Variants in CUBN observed in about 807,000 individuals in gnomAD.
The protein encoded by CUBN is 460 kDa receptor.
Under a neutral mutation model 405.3 loss-of-function variants are expected in CUBN, and 282 were observed. The observed-to-expected ratio is 0.70, with a 90% CI of 0.63 to 0.77. The LOEUF (loss-of-function observed/expected upper bound fraction) is 0.77. Ranked by LOEUF, CUBN falls within the 30% of genes least tolerant of loss-of-function variation. The pLI is 0.00. For synonymous variants in CUBN, 1,684 were observed against 1,617.0 expected (o/e 1.04, Z -0.99); for missense variants, 4,514 against 4,475.2 (o/e 1.01, Z -0.25).
chr10:17,073,109 A>G (rs577992290), intron 17 of CUBN, among the ~76,000 whole-genome samples: 1 of 152,266 alleles, frequency 6.6e-6, no homozygotes, highest in East Asian at 1.9e-4. Flanking sequence ...TTTTTGTTAG[A>G]ACGCTGTTAC....
intron 34 of CUBN, among the ~76,000 whole-genome samples, chr10:16,949,589 T>TA: frequency 6.6e-6 from 1 of 151,530 alleles, no homozygotes; most frequent in Admixed American, 6.7e-5. Flanking sequence ...ATTAATTAAT[T>TA]ATCTAATTAA....
rs1302109425 is a variant in CUBN at position 16,915,887 on chromosome 10, AG to A, written c.7143del (p.Phe2382LeufsTer38). 4.3e-6 allele frequency: 7 copies of A among 1,614,088 alleles called. No homozygotes were observed. Among genetic ancestry groups the A allele is most frequent in the Non-Finnish European group, 5.9e-6 (7 of 1,180,042 alleles). On this transcript the variant is annotated frameshift_variant, in exon 46 of 67. Transcript: ENST00000377833. LOFTEE classifies it high-confidence loss of function. ...SGHYLTISFE[D>X]FNLQNSSGCE... ...CAGCCAGAAGAATTCTGAAGGTTAAAGTCTTCAAAAGAGATGGTGAGATAGT... is the reference window on the plus strand; with the variant it reads ...CAGCCAGAAGAATTCTGAAGGTTAAATCTTCAAAAGAGATGGTGAGATAGT...
At chr10:16,878,890 A>G (rs1840589970) in intron 56 of CUBN, among the ~76,000 whole-genome samples, 1 of 152,228 alleles carries the variant, frequency 6.6e-6, no homozygotes, top group African/African-American at 2.4e-5. Flanking sequence ...AGCATGTGTC[A>G]GTATGTCATT....
At chr10:17,024,469 A>G (rs1465563014) in intron 27 of CUBN, among the ~76,000 whole-genome samples, 2 of 152,186 alleles carry the variant, frequency 1.3e-5, no homozygotes, top group Non-Finnish European at 1.5e-5. Flanking sequence ...TCTTATATAT[A>G]TGAGCTTGGG....
chr10:17,039,750 T>C (rs536988619), intron 27 of CUBN, among the ~76,000 whole-genome samples: 88 of 152,308 alleles, frequency 5.8e-4, no homozygotes, highest in African/African-American at 2.1e-3. Flanking sequence ...TGTTGTGTCA[T>C]ATTTTCTTAG....
chr10:16,884,243 A>T (rs1358467350), intron 56 of CUBN, among the ~76,000 whole-genome samples: 1 of 152,152 alleles, frequency 6.6e-6, no homozygotes, highest in African/African-American at 2.4e-5. Context: ...CGGCCTCCCA[A>T]AGTGGGGGAA....
At chr10:16,944,461 C>G (rs1409566349) in intron 36 of CUBN, among the ~76,000 whole-genome samples, 1 of 152,172 alleles carries the variant, frequency 6.6e-6, no homozygotes, top group Non-Finnish European at 1.5e-5. Flanking sequence ...CACCACAATC[C>G]CAGCCCCATG....
At chr10:16,933,043 T>A in intron 40 of CUBN, 44 bp downstream of exon 40, 1 of 1,583,830 alleles carries the variant, frequency 6.3e-7, no homozygotes, top group East Asian at 2.2e-5. Context: ...TAGAACTAAT[T>A]ATGTGTCAGG....
chr10:16,994,991 T>C (rs1329830210), intron 28 of CUBN, among the ~76,000 whole-genome samples: 1 of 152,096 alleles, frequency 6.6e-6, no homozygotes, highest in Non-Finnish European at 1.5e-5. Context: ...TTCAGGAGAC[T>C]GAGGCAGGAG....
At chr10:16,952,215 T>C in intron 33 of CUBN, 61 bp downstream of exon 33, 1 of 1,221,140 alleles carries the variant, frequency 8.2e-7, no homozygotes, top group African/African-American at 1.5e-5. Flanking sequence ...ACTCATAGAC[T>C]GACCTTCCCA....
chr10:16,976,521 T>C (rs565482532), intron 31 of CUBN, among the ~76,000 whole-genome samples: 3 of 151,834 alleles, frequency 2.0e-5, no homozygotes, highest in Non-Finnish European at 4.4e-5. Flanking sequence ...TTTAGAAAAG[T>C]ACGTCATTCT....
chr10:16,942,510 C>A (rs866858841), intron 36 of CUBN, among the ~76,000 whole-genome samples: 1 of 151,950 alleles, frequency 6.6e-6, no homozygotes, highest in Non-Finnish European at 1.5e-5. Context: ...TAGAGAAATG[C>A]AAATCAAAAC....
At chr10:16,972,540 C>T (rs541804500) in intron 31 of CUBN, among the ~76,000 whole-genome samples, 18 of 151,844 alleles carry the variant, frequency 1.2e-4, no homozygotes, top group African/African-American at 4.4e-4. Context: ...CATGCTCAAG[C>T]CATCCTCCCA....
chr10:17,103,771 G>A (rs1041889164), intron 12 of CUBN, among the ~76,000 whole-genome samples: 2 of 152,222 alleles, frequency 1.3e-5, no homozygotes, highest in Non-Finnish European at 2.9e-5. Flanking sequence ...GAAGTTGAGA[G>A]GGAAGTGCTC....
At chr10:17,057,119 T>C (rs1489981151) in intron 22 of CUBN, among the ~76,000 whole-genome samples, 1 of 152,128 alleles carries the variant, frequency 6.6e-6, no homozygotes, top group Non-Finnish European at 1.5e-5. Context: ...CAGGAAGGTT[T>C]TGGGCTTTGG....
At chr10:17,126,731 G>T (rs1327836315) in intron 4 of CUBN, 30 bp downstream of exon 4, 1 of 1,609,882 alleles carries the variant, frequency 6.2e-7, no homozygotes, top group African/African-American at 1.3e-5. Context: ...TTCTGTGAAA[G>T]ATTTGGGTAT....
intron 31 of CUBN, among the ~76,000 whole-genome samples, chr10:16,967,492 A>G (rs1408423475): frequency 1.3e-5 from 2 of 152,236 alleles, no homozygotes; most frequent in African/African-American, 4.8e-5. Flanking sequence ...TTCATCTTGC[A>G]GATTCAAAGC....
intron 23 of CUBN, 33 bp downstream of exon 23, chr10:17,047,381 A>G: frequency 6.7e-7 from 1 of 1,490,930 alleles, no homozygotes; most frequent in Non-Finnish European, 9.3e-7. Context: ...TAAATAATGA[A>G]AAGATTATAA....
chr10:17,008,523 T>C lies in CUBN; in HGVS notation c.4168+11310A>G, dbSNP rs530975015. On this transcript the variant is annotated intron_variant, in intron 28 of 66. Transcript: ENST00000377833. ...GCCACCTTGGCAGCGCTGTTTCTCT[T>C]CGACTCAGTTCCATCCTCTTGACTT... is the stretch of plus-strand genomic sequence containing the variant. 5.3e-5 allele frequency among the ~76,000 whole-genome samples: 8 copies of C among 151,676 alleles called. No individual in the cohort carries two copies. In the South Asian group the frequency reaches 1.7e-3, roughly 32 times the overall value.
Sources: gnomAD v4.1 joint callset for allele counts (sites outside exome capture counted in the v4.1 genomes callset) on GRCh38, gnomAD v4.1.1 for gene constraint, MANE v1.5 for transcripts, NCBI Gene and HGNC (gene_info 2026-07-23, HGNC 2026-07-21) for gene names.